The following SNX25 variants were observed in gnomAD, a reference collection of about 807,000 sequenced individuals.
SNX25 encodes the protein sorting nexin 25, also known as sorting nexin-25.
In SNX25, 62 loss-of-function variants were observed where a neutral mutation model predicts 113.7. The ratio of observed to expected loss-of-function variants is 0.55; its 90% CI spans 0.44 to 0.67. The LOEUF (loss-of-function observed/expected upper bound fraction) is 0.67, where lower values mean the gene tolerates loss of function less well. Among genes scored for constraint, SNX25 ranks in the 30% least tolerant of loss-of-function variants. The pLI, the probability that SNX25 is intolerant of heterozygous loss-of-function variation, is 0.00. For synonymous variants in SNX25, 421 were observed against 436.2 expected, an observed-to-expected ratio of 0.97 and a Z score of 0.43; for missense variants, 1,014 against 1,161.0, an observed-to-expected ratio of 0.87 and a Z score of 1.84.
At chr4:185,277,720 CTTTTTTTTTTTT>C (rs758092952) in intron 5 of SNX25, among the ~76,000 whole-genome samples, 3 of 63,500 alleles carry the variant, frequency 4.7e-5, no homozygotes, top group Admixed American at 1.8e-4. Context: ...TACTTATTAC[CTTTTTTTTTTTT>C]TTTTTTTTTT....
intron 16 of SNX25, among the ~76,000 whole-genome samples, chr4:185,359,946 G>A (rs2095354546): frequency 6.6e-6 from 1 of 152,164 alleles, no homozygotes; most frequent in Non-Finnish European, 1.5e-5. Context: ...TGGCGCACAT[G>A]GTTCTTTGCT....
intron 6 of SNX25, among the ~76,000 whole-genome samples, chr4:185,299,458 C>T (rs956409654): frequency 4.6e-5 from 7 of 152,148 alleles, no homozygotes; most frequent in African/African-American, 9.7e-5. Flanking sequence ...ACCCCCAACC[C>T]CTACCAAAAG....
At chr4:185,216,912 G>A (rs1199122866) in intron 1 of SNX25, among the ~76,000 whole-genome samples, 1 of 152,170 alleles carries the variant, frequency 6.6e-6, no homozygotes, top group Non-Finnish European at 1.5e-5. Context: ...TGGGTCCAGA[G>A]TACATGTACC....
chr4:185,287,431 G>A (rs1363999090), intron 5 of SNX25, among the ~76,000 whole-genome samples: 5 of 152,152 alleles, frequency 3.3e-5, no homozygotes, highest in African/African-American at 1.2e-4. Context: ...ACTCAGGCAG[G>A]GCAGTGGGGC....
Position 185,310,823 on chromosome 4 carries a change from C to T in SNX25, c.1344+7C>T. 6.3e-7 allele frequency: 1 copy of T among 1,595,068 alleles called. No individual in the cohort carries two copies. On this transcript the variant is annotated splice_region_variant and intron_variant, in intron 7 of 18. Transcript: ENST00000652585. Reference sequence around the variant, plus strand: ...AGGGCCTCAAAGCCAGAAGGTAGAACTTTATAGTTTCTTGTTTTGACCCTA... The same window carrying T: ...AGGGCCTCAAAGCCAGAAGGTAGAATTTTATAGTTTCTTGTTTTGACCCTA...
rs149861746 is a variant in SNX25 at position 185,310,780 on chromosome 4, G to A, written c.1308G>A (p.Gly436=). ...GGPAYDQQED[G]ALDEGEGPQS... is the part of the protein sequence containing the mutation. ...CTGCCTATGACCAGCAAGAGGATGG[G>A]GCCCTGGATGAGGGGGAAGGGCCTC... The change falls in exon 7 of 19, where the codon GGG becomes GGA. Residue 436 remains glycine (G), a synonymous_variant. Coordinates refer to ENST00000652585, the MANE Select transcript of SNX25 (RefSeq NM_001378034.2). 6.2e-7 allele frequency: 1 copy of A among 1,613,110 alleles called. No individual in the cohort carries two copies. The highest frequency in any genetic ancestry group is 1.1e-5 in the South Asian group (1 of 90,696).
chr4:185,313,924 A>G (rs2095050199), intron 7 of SNX25, among the ~76,000 whole-genome samples: 1 of 152,220 alleles, frequency 6.6e-6, no homozygotes, highest in South Asian at 2.1e-4. Context: ...TGTTACTAAG[A>G]AAATCATAAG....
At position 185,362,208 on chromosome 4, in the gene SNX25, T is replaced by C. The variant is rs1174538731; in HGVS notation, c.2833+103T>C. The C allele has an allele frequency of 2.8e-6, 4 of 1,408,190 alleles. No homozygotes were observed. In the African/African-American group the frequency reaches 4.4e-5, roughly 15 times the overall value. The allele number at this position is 1,408,190 out of a possible 1,614,324, so 87.2% of individuals were successfully genotyped here. A position where few individuals can be genotyped will look rare whatever the true frequency, so the allele number is the denominator to read the frequency against. On this transcript the variant is annotated intron_variant, in intron 17 of 18. Coordinates refer to ENST00000652585, the MANE Select transcript of SNX25 (RefSeq NM_001378034.2). Reference sequence around the variant, plus strand: ...GTCTTGCAGGAAACATTCTTTACAATGAAAAAAAAAAGGATCATACTCTTT... The same window carrying C: ...GTCTTGCAGGAAACATTCTTTACAACGAAAAAAAAAAGGATCATACTCTTT...
chr4:185,348,744 A>G (rs183207038), intron 13 of SNX25, among the ~76,000 whole-genome samples: 24 of 152,160 alleles, frequency 1.6e-4, no homozygotes, highest in African/African-American at 5.8e-4. Context: ...CCTTTCTTCT[A>G]GCTCCTTTTT....
intron 1 of SNX25, among the ~76,000 whole-genome samples, chr4:185,245,798 T>C (rs1356457522): frequency 6.6e-6 from 1 of 152,236 alleles, no homozygotes; most frequent in Non-Finnish European, 1.5e-5. Context: ...TGAAGGTATA[T>C]ATGTATCCCT....
downstream of SNX25, chr4:185,364,575 ACTT>A (rs1472901273): frequency 6.6e-6 from 1 of 152,226 alleles, no homozygotes; most frequent in Non-Finnish European, 1.5e-5. Context: ...ATACCTGCTA[ACTT>A]CTTGATAAGA....
rs544665210 is a variant in SNX25 at position 185,350,015 on chromosome 4, G to C, written c.2302-1430G>C. 1.7e-3 allele frequency among the ~76,000 whole-genome samples: 254 copies of C among 152,296 alleles called. 1 individual carries two copies. The highest frequency in any genetic ancestry group is 6.0e-3 in the African/African-American group (248 of 41,572). On this transcript the variant is annotated intron_variant, in intron 13 of 18. Coordinates refer to ENST00000652585, the MANE Select transcript of SNX25 (RefSeq NM_001378034.2). ...AAAAACGAATGAAGACTGTCTGCAG[G>C]GTTCAGGGACAGGGAGGGCAGTAGG...
Position 185,353,492 on chromosome 4 carries a change from CAG to C in SNX25, c.2477_2478del (p.Glu826GlyfsTer4), listed in dbSNP as rs1561048952. 1.2e-6 allele frequency: 2 copies of C among 1,613,330 alleles called. No homozygotes were observed. Among genetic ancestry groups the C allele is most frequent in the Admixed American group, 1.7e-5 (1 of 60,004 alleles). On this transcript the variant is annotated frameshift_variant, in exon 15 of 19. Coordinates refer to ENST00000652585, the MANE Select transcript of SNX25 (RefSeq NM_001378034.2). LOFTEE classifies it high-confidence loss of function. ...ACTTTGCTGTATTCCCAGGAGGAGA[CAG>C]AGGAGGACAGTGACCTGTCAGATTA...
intron 6 of SNX25, among the ~76,000 whole-genome samples, chr4:185,303,339 G>T (rs1382484377): frequency 6.6e-6 from 1 of 152,128 alleles, no homozygotes; most frequent in Non-Finnish European, 1.5e-5. Context: ...AAACCAAGGG[G>T]AGTGCTAGGA....
Position 185,209,607 on chromosome 4 carries a change from A to C in SNX25, c.-220A>C, listed in dbSNP as rs1737399880. ...AGGCTGGCCAGGCTTCAGTCACAAC[A>C]CGGTGGGGCTCCCTGGCTGCGCCCG... On this transcript the variant is annotated 5_prime_UTR_variant, in exon 1 of 19. Coordinates refer to ENST00000652585, the MANE Select transcript of SNX25 (RefSeq NM_001378034.2). This position sits in a 1 kb window ranked among gnomAD's most constrained non-coding sequence, Gnocchi z 5.2. 4.8e-6 allele frequency: 2 copies of C among 414,282 alleles called. No homozygotes were observed. The highest frequency in any genetic ancestry group is 6.5e-6 in the Non-Finnish European group (2 of 307,924). The allele number at this position is 414,282 out of a possible 1,614,324, so 25.7% of individuals were successfully genotyped here.
At chr4:185,214,991 G>A (rs1480910303) in intron 1 of SNX25, among the ~76,000 whole-genome samples, 1 of 152,202 alleles carries the variant, frequency 6.6e-6, no homozygotes, top group Non-Finnish European at 1.5e-5. Context: ...AGCACTTTGG[G>A]AGGCTGAGGC....
chr4:185,214,394 CAAAAAAAA>C (rs60179052), intron 1 of SNX25, among the ~76,000 whole-genome samples: 1 of 122,342 alleles, frequency 8.2e-6, no homozygotes, highest in Admixed American at 8.6e-5. Context: ...CCATCTCTAC[CAAAAAAAA>C]AAAAAAAAAA....
chr4:185,219,753 C>T (rs1534144), intron 1 of SNX25, among the ~76,000 whole-genome samples: 98,800 of 151,566 alleles, frequency 0.65, 32,280 homozygotes, highest in East Asian at 0.73. Context: ...TACACATAAG[C>T]CACCTCCCAC....
chr4:185,362,336 T>C, intron 17 of SNX25: 1 of 985,290 alleles, frequency 1.0e-6, no homozygotes, highest in Non-Finnish European at 1.2e-6. Context: ...GAAATCCTGC[T>C]AAAGTATCGT....
Sources: gnomAD v4.1 joint callset for allele counts (sites outside exome capture counted in the v4.1 genomes callset) on GRCh38, gnomAD v4.1.1 for gene constraint, Gnocchi (gnomAD v3.1) non-coding constraint, MANE v1.5 for transcripts, NCBI Gene and HGNC (gene_info 2026-07-23, HGNC 2026-07-21) for gene names.